The following ARSK variants were observed in gnomAD, a reference collection of about 807,000 sequenced individuals.
ARSK encodes the protein arylsulfatase family member K.
ARSK carries 37 observed loss-of-function variants against 53.2 expected under a neutral mutation model. That is an observed-to-expected ratio of 0.70 (90% CI 0.54 to 0.92). The LOEUF (loss-of-function observed/expected upper bound fraction) is 0.92, where lower values mean the gene tolerates loss of function less well. Ranked by LOEUF, ARSK falls within the 40% of genes least tolerant of loss-of-function variation. ARSK has a pLI of 0.00. For missense variants in ARSK, 613 were observed against 643.0 expected (o/e 0.95, Z 0.51); for synonymous variants, 208 against 223.2 (o/e 0.93, Z 0.61).
In ARSK at chr5:95,555,707, C is replaced by G. The variant is rs544319190; in HGVS notation, c.126+303C>G. Reference sequence around the variant, plus strand: ...GACTAATGAACTTTCAGTCCATACCCCCGTTTGGTTTAATTGTGTGGTAAA... The same window carrying G: ...GACTAATGAACTTTCAGTCCATACCGCCGTTTGGTTTAATTGTGTGGTAAA... On this transcript the variant is annotated intron_variant, in intron 1 of 7. Coordinates refer to ENST00000380009, the MANE Select transcript of ARSK (RefSeq NM_198150.3). The surrounding 1 kb of genome is among the most constrained non-coding windows in gnomAD (Gnocchi z 4.0). Among the ~76,000 whole-genome samples, 1 of 152,282 alleles carries G rather than the reference C, an allele frequency of 6.6e-6. No homozygotes were observed. Among genetic ancestry groups the G allele is most frequent in the East Asian group, 1.9e-4 (1 of 5,190 alleles).
chr5:95,561,869 T>C (rs928084330), intron 1 of ARSK, among the ~76,000 whole-genome samples: 1 of 152,228 alleles, frequency 6.6e-6, no homozygotes, highest in Admixed American at 6.5e-5. Flanking sequence ...ACACTTTAAA[T>C]GGATGAGTTG....
At chr5:95,573,575 A>C (rs1748870647) in intron 3 of ARSK, among the ~76,000 whole-genome samples, 1 of 152,216 alleles carries the variant, frequency 6.6e-6, no homozygotes, top group African/African-American at 2.4e-5. Flanking sequence ...TCAGAAGAGA[A>C]ATTAAACAAG....
chr5:95,568,678 C>G (rs1175192567), intron 3 of ARSK, among the ~76,000 whole-genome samples: 1 of 152,164 alleles, frequency 6.6e-6, no homozygotes. Context: ...AGACTGCTCT[C>G]CTTAGAAAGG....
intron 1 of ARSK, among the ~76,000 whole-genome samples, chr5:95,563,135 G>A (rs1462140161): frequency 1.3e-5 from 2 of 152,106 alleles, no homozygotes; most frequent in Admixed American, 6.5e-5. Context: ...ACTACATGAA[G>A]TCAAAAACCA....
rs867662554 is a variant in ARSK, at chr5:95,603,632, G to C, written c.*106G>C. On this transcript the variant is annotated 3_prime_UTR_variant, in exon 8 of 8. Transcript: ENST00000380009. Reference sequence around the variant, plus strand: ...TTTTAATAATTACCAAGTTTTGGCCGGGCACAGTGGCTCACACCTGTAATC... The same window carrying C: ...TTTTAATAATTACCAAGTTTTGGCCCGGCACAGTGGCTCACACCTGTAATC... 1.6e-5 allele frequency: 17 copies of C among 1,061,114 alleles called. No homozygotes were observed. Among genetic ancestry groups the C allele is most frequent in the Non-Finnish European group, 2.0e-5 (16 of 785,020 alleles). The allele number at this position is 1,061,114 out of a possible 1,614,324, so 65.7% of individuals were successfully genotyped here. A position where few individuals can be genotyped will look rare whatever the true frequency, so the allele number is the denominator to read the frequency against.
At chr5:95,569,302 G>A (rs758921738) in intron 3 of ARSK, among the ~76,000 whole-genome samples, 6 of 152,122 alleles carry the variant, frequency 3.9e-5, no homozygotes, top group Non-Finnish European at 8.8e-5. Flanking sequence ...GTAATAATAA[G>A]AAAAAATTAA....
intron 5 of ARSK, among the ~76,000 whole-genome samples, chr5:95,588,688 C>CA (rs535894090): frequency 7.5e-4 from 114 of 152,066 alleles, no homozygotes; most frequent in Non-Finnish European, 1.3e-3. Context: ...TAATTAAAGA[C>CA]ATTTGTGGCT....
intron 3 of ARSK, among the ~76,000 whole-genome samples, chr5:95,568,300 G>A (rs554502859): frequency 3.3e-5 from 5 of 151,740 alleles, no homozygotes; most frequent in South Asian, 4.2e-4. Flanking sequence ...AACTCGTTTA[G>A]CCCACGCTTT....
intron 5 of ARSK, among the ~76,000 whole-genome samples, chr5:95,589,197 T>C (rs1179800598): frequency 5.9e-5 from 9 of 152,212 alleles, no homozygotes; most frequent in African/African-American, 2.2e-4. Context: ...TCAGGTTGTT[T>C]ACATAGTAAT....
rs992885386 is a variant in ARSK, at chr5:95,555,121, A to G, written c.-158A>G. On this transcript the variant is annotated 5_prime_UTR_variant, in exon 1 of 8. In the 5' UTR this introduces an upstream ATG that the reference lacks. Coordinates refer to ENST00000380009, the MANE Select transcript of ARSK (RefSeq NM_198150.3). The surrounding 1 kb of genome is among the most constrained non-coding windows in gnomAD (Gnocchi z 4.0). ...CGCATGTGCGCGCTCTCCGCCTGAT[A>G]GGAGTTGTAGTTCTGCGGGTGAAGC... The G allele has an allele frequency of 7.9e-5, 44 of 556,008 alleles. No individual in the cohort carries two copies. The African/African-American group carries it at 8.3e-4, about 10-fold the overall frequency. The allele number at this position is 556,008 out of a possible 1,614,324, so 34.4% of individuals were successfully genotyped here.
chr5:95,601,127 G>A (rs1749396528), intron 7 of ARSK, 56 bp downstream of exon 7: 3 of 1,390,582 alleles, frequency 2.2e-6, no homozygotes, highest in South Asian at 2.4e-5. Context: ...ACTGCCCTAT[G>A]TAGCATTGCT....
At chr5:95,570,607 C>A (rs1036531745) in intron 3 of ARSK, among the ~76,000 whole-genome samples, 2 of 152,144 alleles carry the variant, frequency 1.3e-5, no homozygotes, top group Non-Finnish European at 2.9e-5. Flanking sequence ...AATTATGATG[C>A]CTACCTCATT....
intron 3 of ARSK, among the ~76,000 whole-genome samples, chr5:95,574,021 G>T: frequency 6.7e-6 from 1 of 150,064 alleles, no homozygotes; most frequent in African/African-American, 2.5e-5. Context: ...CAACTATTCT[G>T]CCCAGCTTTT....
chr5:95,564,914 A>G lies in ARSK; in HGVS notation c.127-1084A>G, dbSNP rs529284041. On this transcript the variant is annotated intron_variant, in intron 1 of 7. Transcript: ENST00000380009. ...TCTCACAGTTTTCAAAACCATGAATATGTTAAATACTCCCAAGTTTTATTT... is the reference window on the plus strand; with the variant it reads ...TCTCACAGTTTTCAAAACCATGAATGTGTTAAATACTCCCAAGTTTTATTT... Among the ~76,000 whole-genome samples the G allele has an allele frequency of 1.1e-4, 17 of 152,212 alleles. No homozygotes were observed. In the South Asian group the frequency reaches 1.2e-3, roughly 11 times the overall value.
chr5:95,574,297 C>T (rs958860357), intron 3 of ARSK, among the ~76,000 whole-genome samples: 3 of 152,184 alleles, frequency 2.0e-5, no homozygotes, highest in Admixed American at 1.3e-4. Flanking sequence ...GTGACTAGTA[C>T]TGTAAGCAAC....
Position 95,591,499 on chromosome 5 carries a change from T to C in ARSK, c.970T>C (p.Phe324Leu), listed in dbSNP as rs757951147. 3 of 1,614,000 alleles carry C rather than the reference T, an allele frequency of 1.9e-6. No homozygotes were observed. Among genetic ancestry groups the C allele is most frequent in the Non-Finnish European group, 2.5e-6 (3 of 1,180,012 alleles). Residue 324 changes from phenylalanine to leucine, a missense_variant, in exon 6 of 8, where the codon TTT (phenylalanine) becomes CTT (leucine). Physicochemically the swap from Phe to Leu is conservative, Grantham distance 22. Transcript: ENST00000380009. ...AGAGCTGGCCATGGAACATCGACAG[T>C]TTTATAAAATGAGCATGTACGAGGC... is the stretch of plus-strand genomic sequence containing the variant. ...HGELAMEHRQFYKMSMYEASA... is the reference protein window; with the variant it reads ...HGELAMEHRQLYKMSMYEASA...
In ARSK at chr5:95,591,643, G is replaced by A. The variant is rs760959077; in HGVS notation, c.1096+18G>A. 3.1e-6 allele frequency: 5 copies of A among 1,607,312 alleles called. No homozygotes were observed. The highest frequency in any genetic ancestry group is 1.7e-5 in the Admixed American group (1 of 59,950). ...CATGCTTGGTAAGTAATGTAGTTCT[G>A]TAAATATTTATTTGTAATAATGCTG... On this transcript the variant is annotated intron_variant, in intron 6 of 7. Coordinates refer to ENST00000380009, the MANE Select transcript of ARSK (RefSeq NM_198150.3).
intron 3 of ARSK, among the ~76,000 whole-genome samples, chr5:95,572,599 A>G (rs1191821173): frequency 6.6e-6 from 1 of 152,118 alleles, no homozygotes; most frequent in East Asian, 1.9e-4. Context: ...TAACACGGTG[A>G]AACCCCGTCT....
chr5:95,600,953 C>T lies in ARSK; in HGVS notation c.1203C>T (p.Pro401=). The change falls in exon 7 of 8, where the codon CCC becomes CCT. Residue 401 remains proline (P), a synonymous_variant. Transcript: ENST00000380009. ...NEHKVKNLHP[P]WILSEFHGCN... is the part of the protein sequence containing the mutation. The stretch of plus-strand genomic sequence containing the variant: ...ATAAAGTCAAAAACCTGCATCCACC[C>T]TGGATTCTGAGTGAATTCCATGGAT... 6.2e-7 allele frequency: 1 copy of T among 1,614,072 alleles called. No homozygotes were observed. The highest frequency in any genetic ancestry group is 8.5e-7 in the Non-Finnish European group (1 of 1,179,940).
Sources: gnomAD v4.1 joint callset for allele counts (sites outside exome capture counted in the v4.1 genomes callset) on GRCh38, gnomAD v4.1.1 for gene constraint, Gnocchi (gnomAD v3.1) non-coding constraint, MANE v1.5 for transcripts, NCBI Gene and HGNC (gene_info 2026-07-23, HGNC 2026-07-21) for gene names.